Variants in SPAG16 observed in about 807,000 individuals in gnomAD.
The protein encoded by SPAG16 is sperm associated antigen 16, also known as sperm-associated antigen 16 protein.
In SPAG16, 86 loss-of-function variants were observed where a neutral mutation model predicts 80.4. That is an observed-to-expected ratio of 1.07 (90% CI 0.90 to 1.28). SPAG16 has a LOEUF of 1.28. SPAG16 is among the 50% of genes most tolerant of loss of function. The pLI, the probability that SPAG16 is intolerant of heterozygous loss-of-function variation, is 0.00. For missense variants in SPAG16, 870 were observed against 765.3 expected, an observed-to-expected ratio of 1.14 and a Z score of -1.61; for synonymous variants, 294 against 265.9, an observed-to-expected ratio of 1.11 and a Z score of -1.03.
intron 11 of SPAG16, among the ~76,000 whole-genome samples, chr2:213,894,922 G>C (rs1434428341): frequency 1.5e-5 from 2 of 137,920 alleles, no homozygotes; most frequent in African/African-American, 2.7e-5. Flanking sequence ...CTAGGAGGCA[G>C]AAGTTGCAGT....
At chr2:213,312,939 G>A (rs532840959) in intron 4 of SPAG16, among the ~76,000 whole-genome samples, 7 of 151,746 alleles carry the variant, frequency 4.6e-5, no homozygotes, top group Non-Finnish European at 1.5e-5. Context: ...TGTTGCCCAA[G>A]TATGTACAGG....
At chr2:213,795,353 A>C (rs1370160862) in intron 10 of SPAG16, among the ~76,000 whole-genome samples, 1 of 152,216 alleles carries the variant, frequency 6.6e-6, no homozygotes, top group Non-Finnish European at 1.5e-5. Context: ...TGACAAATAC[A>C]CAAAAAGGTT....
intron 5 of SPAG16, among the ~76,000 whole-genome samples, chr2:213,338,950 G>C (rs888221194): frequency 6.6e-6 from 1 of 151,422 alleles, no homozygotes; most frequent in Non-Finnish European, 1.5e-5. Flanking sequence ...TGGGTTGATA[G>C]GTGCAGTAAA....
At chr2:213,967,638 T>C (rs746010135) in intron 12 of SPAG16, among the ~76,000 whole-genome samples, 8 of 152,114 alleles carry the variant, frequency 5.3e-5, no homozygotes, top group Non-Finnish European at 8.8e-5. Flanking sequence ...AAGATGAAAA[T>C]TATGTCTTAA....
intron 15 of SPAG16, among the ~76,000 whole-genome samples, chr2:214,152,453 T>C (rs2056018277): frequency 1.3e-5 from 2 of 152,134 alleles, no homozygotes; most frequent in Admixed American, 6.5e-5. Flanking sequence ...GAAGAGACAA[T>C]TGCCTTGCAG....
intron 7 of SPAG16, among the ~76,000 whole-genome samples, chr2:213,352,298 A>G (rs1353096926): frequency 1.3e-5 from 2 of 152,108 alleles, no homozygotes; most frequent in Admixed American, 1.3e-4. Flanking sequence ...TGGCATTATA[A>G]TCAAACCTTC....
chr2:214,068,262 T>G (rs1288692164), intron 13 of SPAG16, among the ~76,000 whole-genome samples: 3 of 152,190 alleles, frequency 2.0e-5, no homozygotes. Flanking sequence ...ATTTTGTGAT[T>G]ATTTTTCAGA....
intron 10 of SPAG16, among the ~76,000 whole-genome samples, chr2:213,647,935 G>A (rs1241984351): frequency 1.3e-5 from 2 of 152,190 alleles, no homozygotes; most frequent in African/African-American, 4.8e-5. Context: ...ATAGGAGGTA[G>A]ATGTGTTAGG....
intron 10 of SPAG16, among the ~76,000 whole-genome samples, chr2:213,746,798 C>T (rs570715274): frequency 6.6e-6 from 1 of 152,156 alleles, no homozygotes; most frequent in East Asian, 1.9e-4. Context: ...CAGAGCAAGA[C>T]TCCATTTCAA....
At chr2:213,907,085 G>A (rs544671177) in intron 11 of SPAG16, among the ~76,000 whole-genome samples, 2 of 152,242 alleles carry the variant, frequency 1.3e-5, no homozygotes, top group South Asian at 4.1e-4. Context: ...CCTGTTGAAT[G>A]GAAGAAAATA....
At chr2:213,302,692 G>A (rs966932021) in intron 3 of SPAG16, 44 of 149,608 alleles carry the variant, frequency 2.9e-4, no homozygotes, top group Middle Eastern at 3.4e-3. Flanking sequence ...TATAAATTGA[G>A]GTATATTTAC....
At chr2:213,644,707 T>C (rs2062754346) in intron 10 of SPAG16, among the ~76,000 whole-genome samples, 1 of 152,198 alleles carries the variant, frequency 6.6e-6, no homozygotes, top group African/African-American at 2.4e-5. Context: ...TCTTTCTCTC[T>C]TTCTCTCTCT....
At chr2:214,136,971 G>T (rs1175179183) in intron 14 of SPAG16, among the ~76,000 whole-genome samples, 1 of 152,110 alleles carries the variant, frequency 6.6e-6, no homozygotes, top group African/African-American at 2.4e-5. Flanking sequence ...TCTGCCATTT[G>T]CTTGATGACC....
At chr2:213,523,292 C>T (rs1559218339) in intron 10 of SPAG16, among the ~76,000 whole-genome samples, 1 of 152,230 alleles carries the variant, frequency 6.6e-6, no homozygotes, top group Non-Finnish European at 1.5e-5. Context: ...TTTGCTTCCG[C>T]TTCCACCATG....
At chr2:213,803,793 G>A (rs1050055706) in intron 10 of SPAG16, among the ~76,000 whole-genome samples, 7 of 152,122 alleles carry the variant, frequency 4.6e-5, no homozygotes, top group African/African-American at 1.7e-4. Flanking sequence ...GCTGGAGCAC[G>A]GTGGTGCCAT....
chr2:213,754,830 A>G (rs2068247894), intron 10 of SPAG16, among the ~76,000 whole-genome samples: 1 of 152,196 alleles, frequency 6.6e-6, no homozygotes, highest in Non-Finnish European at 1.5e-5. Flanking sequence ...ATGTTAAGCA[A>G]TGTGATTTTG....
intron 15 of SPAG16, among the ~76,000 whole-genome samples, chr2:214,154,644 G>A (rs1363132011): frequency 6.6e-6 from 1 of 151,996 alleles, no homozygotes; most frequent in Admixed American, 6.6e-5. Context: ...TCTGATAGAA[G>A]CAGTATAGTG....
At chr2:213,900,361 T>C (rs1029548190) in intron 11 of SPAG16, among the ~76,000 whole-genome samples, 2 of 152,062 alleles carry the variant, frequency 1.3e-5, no homozygotes, top group Admixed American at 1.3e-4. Context: ...TTTACCAATA[T>C]CTCGGAACGA....
intron 10 of SPAG16, among the ~76,000 whole-genome samples, chr2:213,799,941 A>G (rs762183703): frequency 2.0e-5 from 3 of 149,600 alleles, no homozygotes; most frequent in African/African-American, 2.4e-5. Context: ...CCAAATGCCC[A>G]TCAGTGATAG....
Sources: gnomAD v4.1 joint callset for allele counts (sites outside exome capture counted in the v4.1 genomes callset) on GRCh38, gnomAD v4.1.1 for gene constraint, MANE v1.5 for transcripts, NCBI Gene and HGNC (gene_info 2026-07-23, HGNC 2026-07-21) for gene names.